The following PHTF1 variants were observed in gnomAD, a reference collection of about 807,000 sequenced individuals.
The protein encoded by PHTF1 is putative homeodomain transcription factor 1, also known as protein PHTF1.
Under a neutral mutation model 102.4 loss-of-function variants are expected in PHTF1, and 88 were observed. The ratio of observed to expected loss-of-function variants is 0.86; its 90% CI spans 0.72 to 1.03. The LOEUF (loss-of-function observed/expected upper bound fraction) is 1.03, where lower values mean the gene tolerates loss of function less well. PHTF1 is among the 50% of genes least tolerant of loss of function. The pLI, the probability that PHTF1 is intolerant of heterozygous loss-of-function variation, is 0.00. For synonymous variants in PHTF1, 289 were observed against 305.2 expected (o/e 0.95, Z 0.55); for missense variants, 814 against 909.5 (o/e 0.89, Z 1.35).
At chr1:113,724,496 G>A (rs554500091) in intron 7 of PHTF1, among the ~76,000 whole-genome samples, 32 of 149,200 alleles carry the variant, frequency 2.1e-4, no homozygotes, top group Admixed American at 1.8e-3. Flanking sequence ...AGCCAAGATC[G>A]TGCCATTGCA....
chr1:113,748,540 T>C (rs1305751210), intron 3 of PHTF1, among the ~76,000 whole-genome samples: 1 of 152,148 alleles, frequency 6.6e-6, no homozygotes, highest in Non-Finnish European at 1.5e-5. Context: ...TATTTATTTA[T>C]GTGTTTATTT....
At chr1:113,713,153 T>C in intron 8 of PHTF1, 126 bp downstream of exon 8, 1 of 779,714 alleles carries the variant, frequency 1.3e-6, no homozygotes. Flanking sequence ...TTTCATATCC[T>C]GTGGTTTTAC....
chr1:113,729,998 T>C (rs186720254), intron 5 of PHTF1, among the ~76,000 whole-genome samples: 2 of 152,336 alleles, frequency 1.3e-5, no homozygotes, highest in Non-Finnish European at 2.9e-5. Context: ...CTCATTTATA[T>C]TCTGTTGCTA....
intron 3 of PHTF1, among the ~76,000 whole-genome samples, chr1:113,748,278 G>A (rs566668209): frequency 4.6e-5 from 7 of 151,526 alleles, no homozygotes; most frequent in Non-Finnish European, 7.4e-5. Flanking sequence ...CATGCCCAAC[G>A]AAAAGATCCT....
Position 113,700,910 on chromosome 1 carries a change from T to G in PHTF1, c.1930A>C (p.Asn644His). 1 of 1,612,822 alleles carries G rather than the reference T, an allele frequency of 6.2e-7. No homozygotes were observed. Among genetic ancestry groups the G allele is most frequent in the Non-Finnish European group, 8.5e-7 (1 of 1,179,660 alleles). The change falls in exon 16 of 19, where the codon AAC becomes CAC. Residue 644 changes from asparagine to histidine, a missense_variant. Coordinates refer to ENST00000369604, the MANE Select transcript of PHTF1 (RefSeq NM_001323043.2). ...GHKTFLNDAY[N>H]WEFLIWETAL... ...GTTTCCCAGATCAAAAACTCCCAGT[T>G]ATAAGCATCATTCAGGAAAGTTTTA...
intron 7 of PHTF1, among the ~76,000 whole-genome samples, chr1:113,717,876 T>TTCC (rs1652326036): frequency 6.6e-6 from 1 of 152,108 alleles, no homozygotes; most frequent in African/African-American, 2.4e-5. Context: ...TTCTGGGAGA[T>TTCC]ACAATTCAAG....
chr1:113,712,447 G>C (rs1455631047), intron 8 of PHTF1, among the ~76,000 whole-genome samples: 1 of 152,014 alleles, frequency 6.6e-6, no homozygotes, highest in Non-Finnish European at 1.5e-5. Context: ...CATCTAAAAA[G>C]AAATTATAAT....
intron 3 of PHTF1, among the ~76,000 whole-genome samples, chr1:113,751,470 A>G (rs1372837327): frequency 6.6e-6 from 1 of 152,238 alleles, no homozygotes; most frequent in Non-Finnish European, 1.5e-5. Context: ...CATATAAACA[A>G]TCACACAATA....
chr1:113,758,634 T>TA lies in PHTF1; in HGVS notation c.45+24dup, dbSNP rs746258582. 1.5e-4 allele frequency: 205 copies of TA among 1,390,804 alleles called. 1 individual carries two copies. Among genetic ancestry groups the TA allele is most frequent in the African/African-American group, 6.2e-4 (42 of 67,664 alleles). The allele number at this position is 1,390,804 out of a possible 1,614,324, so 86.2% of individuals were successfully genotyped here. Reference sequence around the variant, plus strand: ...TTTTGCAGGAAGAATGCTTTACAAATAAAAAAAATATATATATGTATTACC... The same window carrying TA: ...TTTTGCAGGAAGAATGCTTTACAAATAAAAAAAAATATATATATGTATTACC... On this transcript the variant is annotated intron_variant, in intron 2 of 18. Coordinates refer to ENST00000369604, the MANE Select transcript of PHTF1 (RefSeq NM_001323043.2).
intron 10 of PHTF1, among the ~76,000 whole-genome samples, chr1:113,711,347 A>G (rs1651064329): frequency 6.6e-6 from 1 of 152,222 alleles, no homozygotes; most frequent in African/African-American, 2.4e-5. Context: ...TCCAAATAAT[A>G]TAATATGCCC....
At chr1:113,723,528 G>T (rs1017399823) in intron 7 of PHTF1, among the ~76,000 whole-genome samples, 1 of 152,112 alleles carries the variant, frequency 6.6e-6, no homozygotes, top group Non-Finnish European at 1.5e-5. Context: ...ATTAGAGAAA[G>T]GACAGTCTCT....
At chr1:113,704,921 G>C in intron 13 of PHTF1, 124 bp from the exon 14 acceptor site, 1 of 711,370 alleles carries the variant, frequency 1.4e-6, no homozygotes, top group Non-Finnish European at 2.3e-6. Flanking sequence ...TCAGTGTTCA[G>C]TAAGATGGGC....
chr1:113,738,209 G>A lies in PHTF1; in HGVS notation c.232C>T (p.Leu78Phe), dbSNP rs1470108278. The change falls in exon 5 of 19, where the codon CTT becomes TTT. Residue 78 changes from leucine (L) to phenylalanine (F), a missense_variant. Coordinates refer to ENST00000369604, the MANE Select transcript of PHTF1 (RefSeq NM_001323043.2). ...AATGGAAAAAATACAACTCGAACAA[G>A]CCCCTTCCGAGTCAGAGATGTCCAT... is the stretch of plus-strand genomic sequence containing the variant. Reference protein sequence around the residue: ...IPWTSLTRKGLVRVVFFPLFS... With the variant: ...IPWTSLTRKGFVRVVFFPLFS... 6.2e-7 allele frequency: 1 copy of A among 1,613,528 alleles called. No homozygotes were observed. Among genetic ancestry groups the A allele is most frequent in the Non-Finnish European group, 8.5e-7 (1 of 1,179,526 alleles).
At chr1:113,758,142 C>T (rs533131154) in intron 2 of PHTF1, among the ~76,000 whole-genome samples, 20 of 145,868 alleles carry the variant, frequency 1.4e-4, no homozygotes, top group Admixed American at 3.7e-4. Context: ...CCAGCTACTC[C>T]AGAGGCTGAG....
intron 3 of PHTF1, among the ~76,000 whole-genome samples, chr1:113,752,607 A>C (rs1389011981): frequency 3.3e-5 from 5 of 151,788 alleles, no homozygotes; most frequent in Non-Finnish European, 7.4e-5. Context: ...GATGGTCTCG[A>C]TCTCCTGACC....
At chr1:113,715,844 C>T (rs1375425890) in intron 7 of PHTF1, among the ~76,000 whole-genome samples, 3 of 149,450 alleles carry the variant, frequency 2.0e-5, no homozygotes, top group Non-Finnish European at 4.4e-5. Flanking sequence ...ATCAGAGTCT[C>T]TTAACAGCAG....
At chr1:113,717,993 C>A (rs968499796) in intron 7 of PHTF1, among the ~76,000 whole-genome samples, 1 of 152,106 alleles carries the variant, frequency 6.6e-6, no homozygotes, top group African/African-American at 2.4e-5. Context: ...CAATACTCCC[C>A]CAAAGTCTTA....
At chr1:113,752,044 C>G (rs1337129338) in intron 3 of PHTF1, among the ~76,000 whole-genome samples, 1 of 152,184 alleles carries the variant, frequency 6.6e-6, no homozygotes, top group Non-Finnish European at 1.5e-5. Flanking sequence ...CTACCAAAAA[C>G]AAACTTCTGC....
intron 5 of PHTF1, among the ~76,000 whole-genome samples, chr1:113,735,435 AGACTCTACATAT>A (rs1340040949): frequency 6.6e-6 from 1 of 150,644 alleles, no homozygotes; most frequent in African/African-American, 2.4e-5. Flanking sequence ...TCCATATGAT[AGACTCTACATAT>A]GACTCTACAT....
Sources: gnomAD v4.1 joint callset for allele counts (sites outside exome capture counted in the v4.1 genomes callset) on GRCh38, gnomAD v4.1.1 for gene constraint, MANE v1.5 for transcripts, NCBI Gene and HGNC (gene_info 2026-07-23, HGNC 2026-07-21) for gene names.